Variants in FAM114A1 observed in about 807,000 individuals in gnomAD.
FAM114A1 encodes the protein protein NOXP20.
In FAM114A1, 62 loss-of-function variants were observed where a neutral mutation model predicts 64.3. The observed-to-expected ratio is 0.96, with a 90% CI of 0.79 to 1.19. FAM114A1 has a LOEUF of 1.19. Among genes scored for constraint, FAM114A1 ranks in the 50% most tolerant of loss-of-function variants. FAM114A1 has a pLI of 0.00. For missense variants in FAM114A1, 645 were observed against 676.3 expected (o/e 0.95, Z 0.51); for synonymous variants, 254 against 251.1 (o/e 1.01, Z -0.11).
At chr4:38,911,645 A>G (rs1718537154) in intron 7 of FAM114A1, among the ~76,000 whole-genome samples, 1 of 152,178 alleles carries the variant, frequency 6.6e-6, no homozygotes. Context: ...AGATAAAAGC[A>G]GTTGTCAGGG....
chr4:38,935,310 C>T (rs990950791), intron 12 of FAM114A1, among the ~76,000 whole-genome samples: 1 of 152,152 alleles, frequency 6.6e-6, no homozygotes, highest in Non-Finnish European at 1.5e-5. Flanking sequence ...TATGATTAGG[C>T]ACACAAAAGT....
intron 7 of FAM114A1, among the ~76,000 whole-genome samples, chr4:38,912,406 A>G (rs1039941475): frequency 6.6e-6 from 1 of 150,572 alleles, no homozygotes; most frequent in African/African-American, 2.5e-5. Context: ...TTGTTTTGAG[A>G]TGGAGTCTCA....
intron 6 of FAM114A1, 96 bp downstream of exon 6, chr4:38,905,957 G>T: frequency 9.4e-7 from 1 of 1,059,542 alleles, no homozygotes; most frequent in Non-Finnish European, 1.3e-6. Context: ...TCAGAGAAAC[G>T]ATGGCCTTGC....
chr4:38,890,422 A>G (rs534188841), intron 3 of FAM114A1, among the ~76,000 whole-genome samples: 1 of 151,676 alleles, frequency 6.6e-6, no homozygotes, highest in African/African-American at 2.4e-5. Context: ...ACAAAAAAAA[A>G]CAGCAAGGGA....
At chr4:38,881,287 T>C (rs1715244870) in intron 3 of FAM114A1, among the ~76,000 whole-genome samples, 1 of 152,098 alleles carries the variant, frequency 6.6e-6, no homozygotes, top group African/African-American at 2.4e-5. Flanking sequence ...GAAAACACCT[T>C]ATAAACCTCC....
At chr4:38,883,421 C>T (rs1715490950) in intron 3 of FAM114A1, among the ~76,000 whole-genome samples, 1 of 151,702 alleles carries the variant, frequency 6.6e-6, no homozygotes. Context: ...CCAGTCAACC[C>T]TTAAAAGACC....
chr4:38,903,931 A>T (rs77686399), intron 4 of FAM114A1, among the ~76,000 whole-genome samples: 2,411 of 152,298 alleles, frequency 0.016, 81 homozygotes, highest in African/African-American at 0.054. Context: ...GTGCCTTGTT[A>T]ATGCTAAGAT....
At chr4:38,930,509 T>A (rs376801249) in intron 10 of FAM114A1, among the ~76,000 whole-genome samples, 3 of 152,300 alleles carry the variant, frequency 2.0e-5, no homozygotes, top group East Asian at 3.9e-4. Context: ...GTGGTGGCTC[T>A]GAGATTCCAC....
chr4:38,909,974 G>A (rs1873197), intron 7 of FAM114A1, among the ~76,000 whole-genome samples: 20,348 of 152,012 alleles, frequency 0.13, 2,241 homozygotes, highest in African/African-American at 0.3. Flanking sequence ...GGCTCATGCC[G>A]GTAATCCCAG....
At chr4:38,871,086 CTTTTT>C (rs9306968) in intron 2 of FAM114A1, among the ~76,000 whole-genome samples, 3 of 93,998 alleles carry the variant, frequency 3.2e-5, no homozygotes, top group Admixed American at 1.3e-4. Flanking sequence ...TTTTTTCTTT[CTTTTT>C]TTTTTTTTTT....
intron 4 of FAM114A1, among the ~76,000 whole-genome samples, chr4:38,895,089 A>C (rs1279707928): frequency 6.6e-6 from 1 of 152,148 alleles, no homozygotes; most frequent in African/African-American, 2.4e-5. Context: ...TCAGGAAGGC[A>C]CCCATAACTT....
At position 38,940,953 on chromosome 4, in the gene FAM114A1, C is replaced by T; in HGVS notation, c.1537-15C>T. On this transcript the variant is annotated splice_polypyrimidine_tract_variant and intron_variant, in intron 13 of 14. Transcript: ENST00000358869. Reference sequence around the variant, plus strand: ...GAGCACCTAATCTGTCAATTTCATACTTCTGATTCCACAGAGCAACAAGAA... The same window carrying T: ...GAGCACCTAATCTGTCAATTTCATATTTCTGATTCCACAGAGCAACAAGAA... The T allele has an allele frequency of 6.2e-7, 1 of 1,614,014 alleles. No homozygotes were observed. Among genetic ancestry groups the T allele is most frequent in the South Asian group, 1.1e-5 (1 of 91,078 alleles).
chr4:38,883,238 A>T (rs1715473331), intron 3 of FAM114A1, among the ~76,000 whole-genome samples: 1 of 152,184 alleles, frequency 6.6e-6, no homozygotes, highest in African/African-American at 2.4e-5. Flanking sequence ...CAATGATTAC[A>T]TGTCCTCTAG....
chr4:38,920,976 T>G (rs1449157307), intron 8 of FAM114A1, among the ~76,000 whole-genome samples: 2 of 152,212 alleles, frequency 1.3e-5, no homozygotes, highest in Non-Finnish European at 2.9e-5. Context: ...GGCAATGAGC[T>G]TTAGCAACTT....
intron 7 of FAM114A1, among the ~76,000 whole-genome samples, chr4:38,912,151 G>A (rs1255725728): frequency 6.6e-6 from 1 of 151,902 alleles, no homozygotes; most frequent in African/African-American, 2.4e-5. Context: ...ATGAGCCACC[G>A]CACCCAGCCA....
rs1721863252 is a variant in FAM114A1 at position 38,945,007 on chromosome 4, C to A, written c.*1450C>A. The A allele has an allele frequency of 6.6e-6, 1 of 152,158 alleles. No individual in the cohort carries two copies. Among genetic ancestry groups the A allele is most frequent in the Admixed American group, 6.5e-5 (1 of 15,278 alleles). The allele number at this position is 152,158 out of a possible 1,614,324, so 9.4% of individuals were successfully genotyped here. A position where few individuals can be genotyped will look rare whatever the true frequency, so the allele number is the denominator to read the frequency against. ...TTAATTTGTTGCATTTTCCTATACT[C>A]TTTACACTATTTTATCCCAAACTAT... On this transcript the variant is annotated 3_prime_UTR_variant, in exon 15 of 15. Coordinates refer to ENST00000358869, the MANE Select transcript of FAM114A1 (RefSeq NM_138389.4).
chr4:38,877,454 C>T (rs1448651787), intron 2 of FAM114A1, among the ~76,000 whole-genome samples: 2 of 152,018 alleles, frequency 1.3e-5, no homozygotes, highest in African/African-American at 4.8e-5. Context: ...GGTTCATGCT[C>T]CTATGAGAAT....
chr4:38,927,308 G>A (rs1196433540), intron 9 of FAM114A1, among the ~76,000 whole-genome samples: 8 of 152,206 alleles, frequency 5.3e-5, no homozygotes, highest in South Asian at 2.1e-4. Flanking sequence ...TTTGGAGACC[G>A]TAAAGTCGAA....
At chr4:38,924,898 T>G (rs1393638531) in intron 9 of FAM114A1, among the ~76,000 whole-genome samples, 1 of 152,192 alleles carries the variant, frequency 6.6e-6, no homozygotes, top group Non-Finnish European at 1.5e-5. Flanking sequence ...CTATTAAGGG[T>G]GTCATTTAGA....
Sources: allele counts gnomAD v4.1 joint callset (sites outside exome capture counted in the v4.1 genomes callset), GRCh38; gene constraint gnomAD v4.1.1; transcripts MANE v1.5; gene names NCBI Gene and HGNC (gene_info 2026-07-23, HGNC 2026-07-21).